Variants in NTM observed in about 807,000 individuals in gnomAD.
NTM encodes the protein IgLON family member 2.
NTM carries 13 observed loss-of-function variants against 42.1 expected under a neutral mutation model. The observed-to-expected ratio is 0.31, with a 90% CI of 0.20 to 0.49. NTM has a LOEUF of 0.49. Ranked by LOEUF, NTM falls within the 20% of genes least tolerant of loss-of-function variation. NTM has a pLI of 0.99. For missense variants in NTM, 373 were observed against 452.8 expected (o/e 0.82, Z 1.60); for synonymous variants, 187 against 179.2 (o/e 1.04, Z -0.35).
chr11:131,507,141 G>A (rs2047585861), intron 1 of NTM, among the ~76,000 whole-genome samples: 1 of 152,194 alleles, frequency 6.6e-6, no homozygotes, highest in South Asian at 2.1e-4. Flanking sequence ...CTTCAGGGAT[G>A]AAAAATAACA....
At chr11:131,938,942 A>T (rs534134805) in intron 2 of NTM, among the ~76,000 whole-genome samples, 1 of 152,258 alleles carries the variant, frequency 6.6e-6, no homozygotes, top group South Asian at 2.1e-4. Context: ...TGAGGGAGCA[A>T]GAGGACCCTT....
chr11:131,612,364 TACAGC>T (rs2061528918), intron 1 of NTM, among the ~76,000 whole-genome samples: 1 of 152,258 alleles, frequency 6.6e-6, no homozygotes, highest in Non-Finnish European at 1.5e-5. Flanking sequence ...TGCTTTGTTA[TACAGC>T]AACAGATAAC....
intron 2 of NTM, among the ~76,000 whole-genome samples, chr11:132,090,906 C>G (rs1359264646): frequency 6.6e-6 from 1 of 152,176 alleles, no homozygotes; most frequent in Non-Finnish European, 1.5e-5. Flanking sequence ...TTCATGATCT[C>G]TCACCTCACC....
intron 1 of NTM, among the ~76,000 whole-genome samples, chr11:131,464,005 A>G (rs1951654262): frequency 6.6e-6 from 1 of 152,232 alleles, no homozygotes; most frequent in Non-Finnish European, 1.5e-5. Flanking sequence ...CTTGTTTCTT[A>G]AACCCTGTTT....
At chr11:132,026,207 G>T (rs1353329415) in intron 2 of NTM, among the ~76,000 whole-genome samples, 1 of 152,184 alleles carries the variant, frequency 6.6e-6, no homozygotes, top group Non-Finnish European at 1.5e-5. Context: ...TGCTAATACC[G>T]ATAATATTCC....
intron 3 of NTM, among the ~76,000 whole-genome samples, chr11:132,211,152 C>T (rs145917765): frequency 1.3e-3 from 199 of 152,288 alleles, no homozygotes; most frequent in African/African-American, 4.5e-3. Context: ...GATGGCTGCG[C>T]GTGCACTTTG....
intron 4 of NTM, among the ~76,000 whole-genome samples, chr11:132,304,425 T>A (rs1219320659): frequency 6.6e-6 from 1 of 151,996 alleles, no homozygotes; most frequent in Non-Finnish European, 1.5e-5. Flanking sequence ...TTTTTTTTTT[T>A]ACCCAATATG....
intron 1 of NTM, among the ~76,000 whole-genome samples, chr11:131,552,115 A>C (rs561444205): frequency 5.3e-5 from 8 of 152,230 alleles, no homozygotes; most frequent in Admixed American, 4.6e-4. Context: ...AGGCACACCC[A>C]CCAGAATGAG....
chr11:131,737,961 G>A (rs1189278722), intron 1 of NTM, among the ~76,000 whole-genome samples: 1 of 152,192 alleles, frequency 6.6e-6, no homozygotes, highest in African/African-American at 2.4e-5. Context: ...AAAGAAATAT[G>A]CCTGCACAGG....
At chr11:131,847,764 T>G (rs1260422853) in intron 1 of NTM, among the ~76,000 whole-genome samples, 1 of 152,074 alleles carries the variant, frequency 6.6e-6, no homozygotes, top group African/African-American at 2.4e-5. Flanking sequence ...AAATTGCAGA[T>G]GGATGGGGAG....
chr11:131,876,711 T>C (rs1264789853), intron 1 of NTM, among the ~76,000 whole-genome samples: 2 of 152,228 alleles, frequency 1.3e-5, no homozygotes, highest in Non-Finnish European at 2.9e-5. Flanking sequence ...CCAGGTTATA[T>C]GAGTGAGACA....
At chr11:131,731,845 G>A (rs576783967) in intron 1 of NTM, among the ~76,000 whole-genome samples, 1 of 152,170 alleles carries the variant, frequency 6.6e-6, no homozygotes, top group Non-Finnish European at 1.5e-5. Flanking sequence ...GACTTCCTGA[G>A]CTGGGTATGC....
intron 1 of NTM, chr11:131,573,738 C>T (rs1055522703): frequency 3.9e-5 from 6 of 152,208 alleles, no homozygotes; most frequent in Non-Finnish European, 4.4e-5. Flanking sequence ...AGTCGTACCC[C>T]GTACTGTCTC....
intron 2 of NTM, among the ~76,000 whole-genome samples, chr11:132,100,458 G>A (rs943567099): frequency 6.6e-6 from 1 of 152,220 alleles, no homozygotes; most frequent in African/African-American, 2.4e-5. Context: ...CATTATGCAA[G>A]CCCCCTTTGA....
chr11:131,879,596 T>C (rs1036866230), intron 1 of NTM, among the ~76,000 whole-genome samples: 1 of 152,206 alleles, frequency 6.6e-6, no homozygotes, highest in African/African-American at 2.4e-5. Context: ...TGTAGCACTA[T>C]AATGTCTTGG....
chr11:132,308,123 C>T (rs1382032837), intron 5 of NTM, among the ~76,000 whole-genome samples: 1 of 152,174 alleles, frequency 6.6e-6, no homozygotes, highest in African/African-American at 2.4e-5. Context: ...TTAAACACGT[C>T]TTCAAATCCA....
Position 132,002,342 on chromosome 11 carries a change from A to G in NTM, c.167+90694A>G, listed in dbSNP as rs61903476. ...GAACATTAATATGCTGGTGTATCAT[A>G]TATTTTAATAAGAATTCAGAAATGG... On this transcript the variant is annotated intron_variant, in intron 2 of 8. Transcript: ENST00000683400. The surrounding 1 kb of genome is among the most constrained non-coding windows in gnomAD (Gnocchi z 4.5). 0.02 allele frequency among the ~76,000 whole-genome samples: 3,017 copies of G among 152,322 alleles called. 31 individuals carry two copies. The highest frequency in any genetic ancestry group is 0.034 in the Middle Eastern group (10 of 294).
chr11:131,765,617 C>T (rs910727114), intron 1 of NTM, among the ~76,000 whole-genome samples: 1 of 152,308 alleles, frequency 6.6e-6, no homozygotes, highest in South Asian at 2.1e-4. Flanking sequence ...ATACAGCCAT[C>T]TTCCTTATTC....
At chr11:131,391,625 T>A (rs1591539760) in intron 1 of NTM, among the ~76,000 whole-genome samples, 1 of 94,154 alleles carries the variant, frequency 1.1e-5, no homozygotes, top group Admixed American at 1.4e-4. Context: ...TTGAAATCAG[T>A]CAAATGACTT....
Sources: allele counts gnomAD v4.1 joint callset (sites outside exome capture counted in the v4.1 genomes callset), GRCh38; gene constraint gnomAD v4.1.1; non-coding constraint Gnocchi (gnomAD v3.1); transcripts MANE v1.5; gene names NCBI Gene and HGNC (gene_info 2026-07-23, HGNC 2026-07-21).